IQCM: variants seen among roughly 807,000 people sequenced by gnomAD.
IQCM encodes IQ domain-containing protein M.
In IQCM, 45 loss-of-function variants were observed where a neutral mutation model predicts 57.6. That is an observed-to-expected ratio of 0.78 (90% CI 0.62 to 1.00). The LOEUF (loss-of-function observed/expected upper bound fraction) is 1.00, where lower values mean the gene tolerates loss of function less well. Among genes scored for constraint, IQCM ranks in the 50% least tolerant of loss-of-function variants. The pLI is 0.00. For missense variants in IQCM, 468 were observed against 511.6 expected, an observed-to-expected ratio of 0.91 and a Z score of 0.82; for synonymous variants, 148 against 158.9, an observed-to-expected ratio of 0.93 and a Z score of 0.51.
At chr4:149,530,806 C>CA (rs1746664798) in intron 12 of IQCM, among the ~76,000 whole-genome samples, 1 of 33,540 alleles carries the variant, frequency 3.0e-5, no homozygotes, top group Non-Finnish European at 8.3e-5. Flanking sequence ...CCCCCCCACC[C>CA]CCCCCCCACA....
chr4:149,674,109 T>A (rs1350120124), intron 7 of IQCM, among the ~76,000 whole-genome samples: 1 of 152,114 alleles, frequency 6.6e-6, no homozygotes, highest in East Asian at 1.9e-4. Context: ...TTCACCATAT[T>A]CTCAGAAAAA....
chr4:149,537,848 C>G (rs1169075561), intron 12 of IQCM, among the ~76,000 whole-genome samples: 2 of 151,494 alleles, frequency 1.3e-5, no homozygotes, highest in African/African-American at 4.8e-5. Context: ...AATTGGCAAC[C>G]AAGAATTCTA....
intron 12 of IQCM, among the ~76,000 whole-genome samples, chr4:149,443,668 G>GGAAAA (rs2111349311): frequency 5.7e-5 from 2 of 35,132 alleles, no homozygotes; most frequent in African/African-American, 2.6e-4. Context: ...GGTAAAGAAA[G>GGAAAA]GAAAGGAAAG....
At chr4:149,757,449 A>G (rs772490689) in intron 2 of IQCM, among the ~76,000 whole-genome samples, 2 of 152,146 alleles carry the variant, frequency 1.3e-5, no homozygotes, top group Non-Finnish European at 2.9e-5. Context: ...TATAAAAGCT[A>G]TAGTTAAAAC....
chr4:149,574,499 A>G (rs1327659112), intron 9 of IQCM, among the ~76,000 whole-genome samples: 2 of 151,970 alleles, frequency 1.3e-5, no homozygotes, highest in Non-Finnish European at 2.9e-5. Context: ...TTACTTTTTC[A>G]TTTGAAGTTT....
chr4:149,404,582 G>A (rs999238643), intron 13 of IQCM, among the ~76,000 whole-genome samples: 2 of 152,024 alleles, frequency 1.3e-5, no homozygotes, highest in African/African-American at 4.8e-5. Flanking sequence ...TGCTCTATAG[G>A]AAAGGTGGTG....
chr4:149,715,267 G>T (rs7699577), intron 5 of IQCM, among the ~76,000 whole-genome samples: 1,761 of 152,290 alleles, frequency 0.012, 43 homozygotes, highest in African/African-American at 0.04. Flanking sequence ...GGAGTGGCAA[G>T]GGGTGCATGA....
intron 5 of IQCM, among the ~76,000 whole-genome samples, chr4:149,697,220 T>G (rs578004355): frequency 2.0e-5 from 3 of 152,232 alleles, no homozygotes; most frequent in African/African-American, 7.2e-5. Flanking sequence ...GCTATTACAC[T>G]GCAGCCACAA....
At chr4:149,761,502 T>C (rs544931471) in intron 2 of IQCM, among the ~76,000 whole-genome samples, 2 of 152,220 alleles carry the variant, frequency 1.3e-5, no homozygotes, top group African/African-American at 4.8e-5. Flanking sequence ...AATTTTCTCC[T>C]TTTGCTCCTC....
intron 2 of IQCM, among the ~76,000 whole-genome samples, chr4:149,784,720 A>G (rs1771924397): frequency 1.3e-5 from 2 of 152,104 alleles, no homozygotes; most frequent in South Asian, 4.1e-4. Flanking sequence ...GGCCTGAAAA[A>G]AAGTAAATCT....
intron 3 of IQCM, among the ~76,000 whole-genome samples, chr4:149,741,554 G>C (rs150398236): frequency 3.0e-4 from 46 of 152,256 alleles, no homozygotes; most frequent in African/African-American, 1.1e-3. Flanking sequence ...CACATAAAAA[G>C]AGAGTTAAAG....
At chr4:149,783,887 T>C (rs1771841287) in intron 2 of IQCM, among the ~76,000 whole-genome samples, 1 of 152,058 alleles carries the variant, frequency 6.6e-6, no homozygotes, top group African/African-American at 2.4e-5. Flanking sequence ...GGACCCTCAA[T>C]CATATAACTG....
intron 2 of IQCM, among the ~76,000 whole-genome samples, chr4:149,794,451 T>A (rs1162921319): frequency 6.6e-6 from 1 of 152,204 alleles, no homozygotes. Flanking sequence ...CACCCAAGTA[T>A]ATATAGTTTA....
intron 7 of IQCM, among the ~76,000 whole-genome samples, chr4:149,678,963 C>G (rs116629474): frequency 0.024 from 3,599 of 151,684 alleles, 73 homozygotes; most frequent in African/African-American, 0.051. Flanking sequence ...TTATTCAGAA[C>G]AGTATGAAGT....
intron 12 of IQCM, among the ~76,000 whole-genome samples, chr4:149,516,182 G>A (rs890272421): frequency 4.6e-5 from 7 of 152,194 alleles, no homozygotes; most frequent in African/African-American, 1.4e-4. Flanking sequence ...ACTCCTCAGG[G>A]TGATCAGCCA....
intron 2 of IQCM, among the ~76,000 whole-genome samples, chr4:149,753,216 A>C (rs919757245): frequency 6.6e-6 from 1 of 152,212 alleles, no homozygotes; most frequent in Admixed American, 6.5e-5. Flanking sequence ...TAAGATCAAC[A>C]ATTGGAATAG....
At chr4:149,397,559 GC>G (rs754257639) in intron 13 of IQCM, among the ~76,000 whole-genome samples, 19 of 151,874 alleles carry the variant, frequency 1.3e-4, no homozygotes, top group Non-Finnish European at 2.8e-4. Flanking sequence ...CTTCCCCTTT[GC>G]CTTCTGCCAT....
intron 7 of IQCM, among the ~76,000 whole-genome samples, chr4:149,631,859 A>G (rs1757294224): frequency 6.6e-6 from 1 of 152,132 alleles, no homozygotes; most frequent in Non-Finnish European, 1.5e-5. Context: ...CTGGCCACTG[A>G]GCTTTGGAGG....
At chr4:149,437,898 C>G (rs1735525574) in intron 12 of IQCM, among the ~76,000 whole-genome samples, 1 of 152,080 alleles carries the variant, frequency 6.6e-6, no homozygotes, top group South Asian at 2.1e-4. Flanking sequence ...CCTGGAGATT[C>G]CTAAATTTCC....
Sources: gnomAD v4.1 joint callset for allele counts (sites outside exome capture counted in the v4.1 genomes callset) on GRCh38, gnomAD v4.1.1 for gene constraint, MANE v1.5 for transcripts, NCBI Gene and HGNC (gene_info 2026-07-23, HGNC 2026-07-21) for gene names.